PARVB: variants seen among roughly 807,000 people sequenced by gnomAD.
PARVB encodes beta-parvin.
Under a neutral mutation model 47.0 loss-of-function variants are expected in PARVB, and 46 were observed. The ratio of observed to expected loss-of-function variants is 0.98; its 90% confidence interval spans 0.77 to 1.25. PARVB has a LOEUF of 1.25. PARVB is among the 50% of genes most tolerant of loss of function. PARVB has a pLI of 0.00. For synonymous variants in PARVB, 196 were observed against 196.3 expected, an observed-to-expected ratio of 1.00 and a Z score of 0.01; for missense variants, 473 against 471.6, an observed-to-expected ratio of 1.00 and a Z score of -0.03.
Position 44,126,639 on chromosome 22 carries a change from G to T in PARVB, c.377-4848G>T, listed in dbSNP as rs6006666. ...CTCTTTGATCTTGGATGTGAAGATT[G>T]GGCTGTTGCTGGTGATGGCCCTCTG... On this transcript the variant is annotated intron_variant, in intron 4 of 12. Transcript: ENST00000338758. Among the ~76,000 whole-genome samples the T allele has an allele frequency of 9.6e-3, 1,465 of 152,278 alleles. 21 individuals are homozygous for T. Among genetic ancestry groups the T allele is most frequent in the African/African-American group, 0.034 (1,396 of 41,530 alleles).
At chr22:44,119,236 G>T in intron 4 of PARVB, 96 bp downstream of exon 4, 3 of 857,412 alleles carry the variant, frequency 3.5e-6, no homozygotes. Flanking sequence ...ATCGGCCACA[G>T]GTCCTAGGAA....
At chr22:44,037,292 T>C (rs1369644561) in intron 1 of PARVB, among the ~76,000 whole-genome samples, 1 of 151,314 alleles carries the variant, frequency 6.6e-6, no homozygotes, top group Non-Finnish European at 1.5e-5. Context: ...GCATGGTGGC[T>C]TTTGCTTGTA....
intron 6 of PARVB, among the ~76,000 whole-genome samples, chr22:44,134,321 C>T (rs9625985): frequency 0.12 from 18,436 of 152,110 alleles, 1,628 homozygotes; most frequent in South Asian, 0.26. Context: ...CCTATGGCCC[C>T]GTGTCTTGGC....
chr22:44,088,848 G>A (rs1047908714), intron 1 of PARVB, among the ~76,000 whole-genome samples: 8 of 152,212 alleles, frequency 5.3e-5, no homozygotes, highest in African/African-American at 1.4e-4. Flanking sequence ...CTCAGGAAAC[G>A]TTAGTGGTGC....
chr22:44,055,157 C>T (rs1030210560), intron 1 of PARVB, among the ~76,000 whole-genome samples: 3 of 151,914 alleles, frequency 2.0e-5, no homozygotes, highest in Non-Finnish European at 4.4e-5. Flanking sequence ...AGGAAGTACC[C>T]ACGTTCCTGC....
Position 44,155,837 on chromosome 22 carries a change from TGC to T in PARVB, c.844-2144_844-2143del, listed in dbSNP as rs368424137. Among the ~76,000 whole-genome samples the T allele has an allele frequency of 2.6e-3, 395 of 152,252 alleles. 1 individual carries two copies. Among genetic ancestry groups the T allele is most frequent in the African/African-American group, 9.0e-3 (374 of 41,550 alleles). The stretch of plus-strand genomic sequence containing the variant: ...GAGGGCATGTGACATGGAGGCCAAG[TGC>T]CATTTGCCCATCAACTGACAGCGTG... On this transcript the variant is annotated intron_variant, in intron 10 of 12. Transcript: ENST00000338758. This position sits in a 1 kb window ranked among gnomAD's most constrained non-coding sequence, Gnocchi z 4.8.
intron 1 of PARVB, among the ~76,000 whole-genome samples, chr22:44,055,032 A>G (rs1050060019): frequency 6.8e-6 from 1 of 146,900 alleles, no homozygotes; most frequent in Non-Finnish European, 1.5e-5. Flanking sequence ...GAGAAATTTT[A>G]TGTATTTTAT....
intron 1 of PARVB, 34 bp from the exon 2 acceptor site, chr22:44,093,894 A>G: frequency 6.8e-7 from 1 of 1,465,036 alleles, no homozygotes; most frequent in Non-Finnish European, 9.5e-7. Context: ...CTCCGTGTAT[A>G]CTAACCTGGT....
chr22:44,151,832 G>A (rs577523052), intron 10 of PARVB: 33 of 389,056 alleles, frequency 8.5e-5, no homozygotes, highest in African/African-American at 5.3e-4. Flanking sequence ...GATGGGGCCT[G>A]GGTGGGTTCC....
intron 11 of PARVB, among the ~76,000 whole-genome samples, chr22:44,163,349 G>A (rs1023393938): frequency 6.6e-6 from 1 of 152,150 alleles, no homozygotes; most frequent in Non-Finnish European, 1.5e-5. Flanking sequence ...ACAGTGATGC[G>A]TGCCTGTAGT....
At chr22:44,055,234 C>T (rs762915) in intron 1 of PARVB, among the ~76,000 whole-genome samples, 3,277 of 152,234 alleles carry the variant, frequency 0.022, 129 homozygotes, top group African/African-American at 0.075. Context: ...TGTGCGCCTC[C>T]CTCCCCACCA....
At chr22:44,018,890 C>G (rs899072779) in intron 2 of PARVB, among the ~76,000 whole-genome samples, 1 of 144,138 alleles carries the variant, frequency 6.9e-6, no homozygotes, top group African/African-American at 2.8e-5. Flanking sequence ...TATAAAGGAA[C>G]GCCTGGAGCT....
At chr22:44,126,506 G>A (rs16991535) in intron 4 of PARVB, among the ~76,000 whole-genome samples, 12,655 of 152,206 alleles carry the variant, frequency 0.083, 1,660 homozygotes, top group African/African-American at 0.28. Context: ...GGAGGAGCAC[G>A]TGGACCTTTG....
intron 1 of PARVB, among the ~76,000 whole-genome samples, chr22:44,037,791 T>G (rs1057041692): frequency 6.6e-6 from 1 of 152,164 alleles, no homozygotes; most frequent in African/African-American, 2.4e-5. Context: ...CCAGCCCCAG[T>G]GTTAGGAAGA....
chr22:44,065,259 G>C (rs948987753), intron 1 of PARVB, among the ~76,000 whole-genome samples: 2 of 152,128 alleles, frequency 1.3e-5, no homozygotes, highest in African/African-American at 4.8e-5. Flanking sequence ...GCTTCTGGGT[G>C]GGGGTTCTCA....
chr22:44,069,900 T>C (rs2051618240), intron 1 of PARVB, among the ~76,000 whole-genome samples: 1 of 152,172 alleles, frequency 6.6e-6, no homozygotes. Flanking sequence ...GGTGCCTGGC[T>C]TTCCCCTGGT....
Position 44,063,498 on chromosome 22 carries a change from A to AT in PARVB, c.113-30428dup, listed in dbSNP as rs375243346. On this transcript the variant is annotated intron_variant, in intron 1 of 12. Coordinates refer to ENST00000338758, the MANE Select transcript of PARVB (RefSeq NM_013327.5). The stretch of plus-strand genomic sequence containing the variant: ...TGTCTTGGCCTCCCAAAGTACTGGG[A>AT]TTACAGGCGTGAGCCACCGCGCCTG... Among the ~76,000 whole-genome samples the AT allele has an allele frequency of 4.9e-3, 748 of 152,208 alleles. 11 individuals carry two copies. The highest frequency in any genetic ancestry group is 0.017 in the African/African-American group (716 of 41,522).
intron 3 of PARVB, chr22:44,115,729 A>G (rs1300009729): frequency 2.2e-5 from 2 of 89,296 alleles, no homozygotes; most frequent in East Asian, 3.5e-4. Flanking sequence ...CCCTACAGCA[A>G]CACAGATACA....
intron 4 of PARVB, among the ~76,000 whole-genome samples, chr22:44,127,945 C>G (rs531807399): frequency 6.6e-6 from 1 of 152,084 alleles, no homozygotes; most frequent in Admixed American, 6.5e-5. Flanking sequence ...ACCACCATGC[C>G]CAGATAATTT....
Sources: allele counts gnomAD v4.1 joint callset (sites outside exome capture counted in the v4.1 genomes callset), GRCh38; gene constraint gnomAD v4.1.1; non-coding constraint Gnocchi (gnomAD v3.1); transcripts MANE v1.5; gene names NCBI Gene and HGNC (gene_info 2026-07-23, HGNC 2026-07-21).